The following EXOG variants were observed in gnomAD, a reference collection of about 807,000 sequenced individuals.
EXOG encodes nuclease EXOG, mitochondrial.
Under a neutral mutation model 25.8 loss-of-function variants are expected in EXOG, and 27 were observed. The observed-to-expected ratio is 1.05, with a 90% CI of 0.77 to 1.45. The LOEUF is 1.45. EXOG is among the 40% of genes most tolerant of loss of function. EXOG has a pLI of 0.00. For synonymous variants in EXOG, 133 were observed against 167.0 expected, an observed-to-expected ratio of 0.80 and a Z score of 1.57; for missense variants, 458 against 450.5, an observed-to-expected ratio of 1.02 and a Z score of -0.15.
chr3:38,499,528 TTAATG>T (rs1479177611), intron 2 of EXOG, among the ~76,000 whole-genome samples: 1 of 152,268 alleles, frequency 6.6e-6, no homozygotes, highest in Non-Finnish European at 1.5e-5. Context: ...TTACTTGATT[TTAATG>T]TAAAAGGTCT....
At chr3:38,496,815 T>C in intron 1 of EXOG, 1 of 1,406,512 alleles carries the variant, frequency 7.1e-7, no homozygotes, top group Non-Finnish European at 9.4e-7. Context: ...GCGATATCTA[T>C]GTTTTAATGT....
At position 38,526,167 on chromosome 3, in the gene EXOG, G is replaced by A. The variant is rs1308920886; in HGVS notation, c.*1805G>A. 1.0e-5 allele frequency: 10 copies of A among 985,084 alleles called. No individual in the cohort carries two copies. Among genetic ancestry groups the A allele is most frequent in the South Asian group, 4.7e-5 (1 of 21,276 alleles). The allele number at this position is 985,084 out of a possible 1,614,324, so 61.0% of individuals were successfully genotyped here. On this transcript the variant is annotated 3_prime_UTR_variant, in exon 6 of 6. Coordinates refer to ENST00000287675, the MANE Select transcript of EXOG (RefSeq NM_005107.4). Reference sequence around the variant, plus strand: ...CTGAGTATTGTCAGTAAAACGTCTTGGGGCATAAGAACTTGTCTGAATCTG... The same window carrying A: ...CTGAGTATTGTCAGTAAAACGTCTTAGGGCATAAGAACTTGTCTGAATCTG...
intron 5 of EXOG, among the ~76,000 whole-genome samples, chr3:38,509,904 C>G (rs79428323): frequency 0.064 from 9,787 of 152,156 alleles, 870 homozygotes; most frequent in African/African-American, 0.18. Flanking sequence ...TCATTTTGCA[C>G]ACATCACCAT....
At chr3:38,509,679 G>A (rs2060308681) in intron 5 of EXOG, among the ~76,000 whole-genome samples, 1 of 152,144 alleles carries the variant, frequency 6.6e-6, no homozygotes, top group Non-Finnish European at 1.5e-5. Context: ...CAAATGGTGG[G>A]GATATGTCAG....
chr3:38,510,963 T>A (rs2060350592), intron 5 of EXOG, among the ~76,000 whole-genome samples: 1 of 152,128 alleles, frequency 6.6e-6, no homozygotes, highest in Admixed American at 6.5e-5. Flanking sequence ...GCTTCTAAGG[T>A]CATATCATTA....
intron 4 of EXOG, among the ~76,000 whole-genome samples, 190 bp downstream of exon 4, chr3:38,503,881 A>G (rs144671326): frequency 6.6e-6 from 1 of 152,344 alleles, no homozygotes; most frequent in East Asian, 1.9e-4. Flanking sequence ...ATCAGACTTC[A>G]AAACGTAGCC....
chr3:38,499,884 T>C, intron 2 of EXOG: 1 of 350,172 alleles, frequency 2.9e-6, no homozygotes, highest in South Asian at 2.2e-5. Flanking sequence ...GTAAGCGCAG[T>C]CTTGGCAAAC....
At chr3:38,498,521 C>G (rs1189734538) in intron 2 of EXOG, among the ~76,000 whole-genome samples, 1 of 151,136 alleles carries the variant, frequency 6.6e-6, no homozygotes, top group East Asian at 1.9e-4. Context: ...CAGCACCACA[C>G]TCCAGCTTAG....
intron 2 of EXOG, among the ~76,000 whole-genome samples, chr3:38,500,656 A>G (rs1366543109): frequency 6.6e-6 from 1 of 152,202 alleles, no homozygotes; most frequent in Non-Finnish European, 1.5e-5. Context: ...TTTGTAGTTT[A>G]AGAAAGTCTC....
At chr3:38,501,205 A>C in intron 2 of EXOG, 150 bp from the exon 3 acceptor site, 1 of 644,390 alleles carries the variant, frequency 1.6e-6, no homozygotes, top group Non-Finnish European at 2.8e-6. Flanking sequence ...AAGTATCTGA[A>C]CTATCCCAGG....
In EXOG at chr3:38,509,309, T is replaced by C. The variant is rs2060298371; in HGVS notation, c.645+2341T>C. 1.3e-5 allele frequency among the ~76,000 whole-genome samples: 2 copies of C among 152,206 alleles called. 1 individual carries two copies. Among genetic ancestry groups the C allele is most frequent in the South Asian group, 4.1e-4 (2 of 4,832 alleles). On this transcript the variant is annotated intron_variant, in intron 5 of 5. Coordinates refer to ENST00000287675, the MANE Select transcript of EXOG (RefSeq NM_005107.4). ...AGTAGAACAAAAATTTGTACAATGT[T>C]TAAAACGAAAAATTAACCAATAATT...
chr3:38,523,370 T>C, intron 5 of EXOG: 3 of 976,936 alleles, frequency 3.1e-6, no homozygotes, highest in Non-Finnish European at 3.6e-6. Context: ...CATTATTTTA[T>C]TTTTATTTTT....
chr3:38,508,061 G>T (rs1209987409), intron 5 of EXOG, among the ~76,000 whole-genome samples: 1 of 152,098 alleles, frequency 6.6e-6, no homozygotes, highest in Non-Finnish European at 1.5e-5. Context: ...AACCCAGGAG[G>T]CGGAGGTTGC....
intron 5 of EXOG, among the ~76,000 whole-genome samples, chr3:38,507,539 TA>T (rs1362988746): frequency 6.6e-6 from 1 of 152,224 alleles, no homozygotes; most frequent in Admixed American, 6.5e-5. Context: ...ACGGGTGAGA[TA>T]ATATGCGACT....
At chr3:38,507,929 GAGACC>G (rs2060251011) in intron 5 of EXOG, among the ~76,000 whole-genome samples, 1 of 152,054 alleles carries the variant, frequency 6.6e-6, no homozygotes, top group African/African-American at 2.4e-5. Context: ...TCAGGAGTTC[GAGACC>G]AGCCTGGCCA....
At chr3:38,523,282 C>T (rs1178119527) in intron 5 of EXOG, 1 of 1,287,668 alleles carries the variant, frequency 7.8e-7, no homozygotes, top group African/African-American at 1.5e-5. Flanking sequence ...ATTAAAAAAC[C>T]AGGACTCACT....
Position 38,503,597 on chromosome 3 carries a change from A to G in EXOG, c.454-18A>G, listed in dbSNP as rs764005519. 5 of 1,442,280 alleles carry G rather than the reference A, an allele frequency of 3.5e-6. No homozygotes were observed. In the South Asian group the frequency reaches 3.5e-5, roughly 10 times the overall value. 89.3% of individuals were successfully genotyped at this position (1,442,280 alleles called of 1,614,324 possible). A position where few individuals can be genotyped will look rare whatever the true frequency, so the allele number is the denominator to read the frequency against. On this transcript the variant is annotated intron_variant, in intron 3 of 5. Transcript: ENST00000287675. Reference sequence around the variant, plus strand: ...GGAAAGCATTTCAGTGCAAGTTACTATGTTTCTTTCTTTACAGAAAGCCAT... The same window carrying G: ...GGAAAGCATTTCAGTGCAAGTTACTGTGTTTCTTTCTTTACAGAAAGCCAT...
At chr3:38,507,458 A>T (rs1345495454) in intron 5 of EXOG, among the ~76,000 whole-genome samples, 1 of 152,202 alleles carries the variant, frequency 6.6e-6, no homozygotes, top group Non-Finnish European at 1.5e-5. Flanking sequence ...TCATTCATAA[A>T]AATTGGAGCT....
chr3:38,497,233 C>T (rs2059918422), intron 1 of EXOG: 4 of 1,014,380 alleles, frequency 3.9e-6, no homozygotes, highest in Non-Finnish European at 4.7e-6. Context: ...TCGAAACTGA[C>T]TCACTGCTGA....
Sources: gnomAD v4.1 joint callset for allele counts (sites outside exome capture counted in the v4.1 genomes callset) on GRCh38, gnomAD v4.1.1 for gene constraint, MANE v1.5 for transcripts, NCBI Gene and HGNC (gene_info 2026-07-23, HGNC 2026-07-21) for gene names.